ESRRG: variants seen among roughly 807,000 people sequenced by gnomAD.
The protein encoded by ESRRG is estrogen related receptor gamma, also known as estrogen-related receptor gamma.
In ESRRG, 13 loss-of-function variants were observed where a neutral mutation model predicts 44.0. That is an observed-to-expected ratio of 0.30 (90% CI 0.19 to 0.47). The LOEUF (loss-of-function observed/expected upper bound fraction) is 0.47. Ranked by LOEUF, ESRRG falls within the 20% of genes least tolerant of loss-of-function variation. The pLI, the probability that ESRRG is intolerant of heterozygous loss-of-function variation, is 1.00. For missense variants in ESRRG, 395 were observed against 580.6 expected (o/e 0.68, Z 3.29); for synonymous variants, 215 against 214.6 (o/e 1.00, Z -0.02).
intron 2 of ESRRG, among the ~76,000 whole-genome samples, chr1:216,901,851 C>T (rs1271519784): frequency 6.6e-6 from 1 of 152,246 alleles, no homozygotes; most frequent in East Asian, 1.9e-4. Context: ...TCTCCTGGCT[C>T]AAGTGATCCT....
Position 216,519,317 on chromosome 1 carries a change from C to T in ESRRG, c.967G>A (p.Glu323Lys). The part of the protein sequence containing the change: ...VVYRSLSFED[E>K]LVYADDYIMD... ...ATATAATCGTCTGCATAGACAAGTT[C>T]ATCCTCAAACGAAAGAGACCGGTAT... The change falls in exon 6 of 7, where the codon GAA becomes AAA. Residue 323 changes from glutamate (E) to lysine (K), a missense_variant. Transcript: ENST00000408911. 1.2e-6 allele frequency: 2 copies of T among 1,613,842 alleles called. No homozygotes were observed. The highest frequency in any genetic ancestry group is 1.7e-6 in the Non-Finnish European group (2 of 1,179,852).
chr1:216,864,769 G>A (rs2096119748), intron 2 of ESRRG: 1 of 152,158 alleles, frequency 6.6e-6, no homozygotes, highest in African/African-American at 2.4e-5. Flanking sequence ...TTCACCTAAG[G>A]AGATGCTTCC....
At chr1:217,136,140 G>A (rs10158793) in intron 1 of ESRRG, among the ~76,000 whole-genome samples, 4,921 of 152,242 alleles carry the variant, frequency 0.032, 108 homozygotes, top group African/African-American at 0.045. Context: ...GGATGGGAAG[G>A]GCAAAGAGCG....
At chr1:216,550,318 G>A (rs1173303886) in intron 5 of ESRRG, among the ~76,000 whole-genome samples, 3 of 152,130 alleles carry the variant, frequency 2.0e-5, no homozygotes, top group Non-Finnish European at 2.9e-5. Flanking sequence ...GTTACTTACC[G>A]ATGTGACACA....
At chr1:217,105,031 T>C (rs1183682984) in intron 1 of ESRRG, among the ~76,000 whole-genome samples, 1 of 152,152 alleles carries the variant, frequency 6.6e-6, no homozygotes, top group African/African-American at 2.4e-5. Context: ...CTATTACCTA[T>C]ACTCTGTGAC....
rs554521380 is a variant in ESRRG, at chr1:216,883,821, C to A, written c.-14+55761G>T. Among the ~76,000 whole-genome samples the A allele has an allele frequency of 2.2e-3, 339 of 150,684 alleles. 3 individuals are homozygous for A. Among genetic ancestry groups the A allele is most frequent in the African/African-American group, 7.9e-3 (325 of 40,896 alleles). Reference sequence around the variant, plus strand: ...TGCAAATGAGGATCAATGTCCAACACCACTTTGGAATAGTAATTTCTTAAT... The same window carrying A: ...TGCAAATGAGGATCAATGTCCAACAACACTTTGGAATAGTAATTTCTTAAT... On this transcript the variant is annotated intron_variant, in intron 2 of 7. Coordinates refer to the ESRRG transcript ENST00000359162.
intron 2 of ESRRG, among the ~76,000 whole-genome samples, chr1:216,843,546 G>T (rs77152479): frequency 6.6e-6 from 1 of 152,112 alleles, no homozygotes; most frequent in Non-Finnish European, 1.5e-5. Flanking sequence ...GGTTCAACAC[G>T]TCAGAGCAGA....
At chr1:217,046,262 A>G (rs2084863877) in intron 1 of ESRRG, among the ~76,000 whole-genome samples, 1 of 152,138 alleles carries the variant, frequency 6.6e-6, no homozygotes, top group African/African-American at 2.4e-5. Context: ...TTTTAATTTT[A>G]TATCCCTATA....
intron 6 of ESRRG, among the ~76,000 whole-genome samples, chr1:216,508,569 CT>C (rs1203840712): frequency 1.3e-5 from 2 of 152,204 alleles, no homozygotes; most frequent in Non-Finnish European, 2.9e-5. Flanking sequence ...TACGCCTGGC[CT>C]TTCCCTGTGG....
At chr1:216,849,561 G>T (rs2095809886) in intron 2 of ESRRG, among the ~76,000 whole-genome samples, 3 of 152,030 alleles carry the variant, frequency 2.0e-5, no homozygotes, top group Admixed American at 6.6e-5. Context: ...CCCTTGTTAG[G>T]TATTATCTGC....
chr1:216,786,592 G>T (rs530261462), intron 2 of ESRRG, among the ~76,000 whole-genome samples: 2 of 152,152 alleles, frequency 1.3e-5, no homozygotes, highest in South Asian at 2.1e-4. Flanking sequence ...CATCAATAAA[G>T]CCACATATAG....
At chr1:216,887,926 G>T (rs149205342) in intron 2 of ESRRG, among the ~76,000 whole-genome samples, 2 of 152,126 alleles carry the variant, frequency 1.3e-5, no homozygotes, top group African/African-American at 4.8e-5. Flanking sequence ...ATGCAGTGAA[G>T]TTCTATTCAC....
chr1:216,807,834 C>A (rs1576769094), intron 2 of ESRRG, among the ~76,000 whole-genome samples: 1 of 152,110 alleles, frequency 6.6e-6, no homozygotes, highest in African/African-American at 2.4e-5. Context: ...TTAATGCTAA[C>A]CATTGCTGAG....
At chr1:216,597,036 T>C (rs1487026391) in intron 3 of ESRRG, among the ~76,000 whole-genome samples, 1 of 152,178 alleles carries the variant, frequency 6.6e-6, no homozygotes, top group Admixed American at 6.5e-5. Context: ...AAAATTTCCC[T>C]ATCCAATAAT....
At chr1:216,518,677 TTCTA>T (rs1273515588) in intron 6 of ESRRG, among the ~76,000 whole-genome samples, 1 of 152,212 alleles carries the variant, frequency 6.6e-6, no homozygotes, top group African/African-American at 2.4e-5. Flanking sequence ...AGAATTTGAC[TTCTA>T]AAGAACTCCA....
chr1:216,921,725 T>A (rs531925395), intron 2 of ESRRG, among the ~76,000 whole-genome samples: 13 of 152,324 alleles, frequency 8.5e-5, no homozygotes, highest in South Asian at 2.1e-4. Context: ...ATGAATTTTT[T>A]AAAATATATT....
intron 1 of ESRRG, among the ~76,000 whole-genome samples, chr1:216,712,486 G>C (rs1047083499): frequency 6.6e-6 from 1 of 152,144 alleles, no homozygotes; most frequent in Non-Finnish European, 1.5e-5. Flanking sequence ...TTAGTGTTTT[G>C]CATGTAGTAT....
At chr1:216,768,450 T>TTATC (rs79038947) in intron 2 of ESRRG, among the ~76,000 whole-genome samples, 18,435 of 114,606 alleles carry the variant, frequency 0.16, 1,224 homozygotes, top group East Asian at 0.26. Context: ...CTATCTATCA[T>TTATC]TATCTATCTA....
intron 2 of ESRRG, among the ~76,000 whole-genome samples, chr1:216,815,436 T>G (rs1411007206): frequency 6.6e-6 from 1 of 152,134 alleles, no homozygotes; most frequent in Non-Finnish European, 1.5e-5. Context: ...CCCTCTAAAT[T>G]GTTGGTTTGG....
Sources: allele counts gnomAD v4.1 joint callset (sites outside exome capture counted in the v4.1 genomes callset), GRCh38; gene constraint gnomAD v4.1.1; transcripts MANE v1.5; gene names NCBI Gene and HGNC (gene_info 2026-07-23, HGNC 2026-07-21).